Variants in NRG1 observed in about 807,000 individuals in gnomAD.
NRG1 encodes the protein pro-neuregulin-1, membrane-bound isoform.
A neutral mutation model predicts 63.8 loss-of-function variants in NRG1; 18 were observed. The observed-to-expected ratio is 0.28, with a 90% confidence interval of 0.19 to 0.42. The LOEUF is 0.42. Ranked by LOEUF, NRG1 falls within the 10% of genes least tolerant of loss-of-function variation. NRG1 has a pLI of 1.00. For synonymous variants in NRG1, 302 were observed against 301.3 expected (o/e 1.00, Z -0.02); for missense variants, 762 against 814.7 (o/e 0.94, Z 0.79).
At chr8:32,590,715 C>T (rs1032933971) in intron 1 of NRG1, among the ~76,000 whole-genome samples, 1 of 151,898 alleles carries the variant, frequency 6.6e-6, no homozygotes, top group Non-Finnish European at 1.5e-5. Context: ...CTGAGAAACA[C>T]GTGTACATTG....
chr8:32,059,759 A>G (rs1294163515), intron 1 of NRG1, among the ~76,000 whole-genome samples: 1 of 151,944 alleles, frequency 6.6e-6, no homozygotes, highest in African/African-American at 2.4e-5. Flanking sequence ...TACAATATAC[A>G]CTCAAGGAAA....
intron 1 of NRG1, among the ~76,000 whole-genome samples, chr8:32,474,495 C>T (rs1001995568): frequency 1.2e-3 from 157 of 132,424 alleles, no homozygotes; most frequent in African/African-American, 4.3e-3. Flanking sequence ...GTGATATTCC[C>T]TTTTTTTTTT....
chr8:32,018,064 G>A (rs1321426787), intron 1 of NRG1, among the ~76,000 whole-genome samples: 1 of 152,156 alleles, frequency 6.6e-6, no homozygotes, highest in East Asian at 1.9e-4. Context: ...TATCATTTTG[G>A]AAACCCTAAG....
At chr8:31,748,759 C>T (rs557431570) in intron 1 of NRG1, among the ~76,000 whole-genome samples, 1 of 151,858 alleles carries the variant, frequency 6.6e-6, no homozygotes, top group Admixed American at 6.6e-5. Context: ...TTTGGCACTC[C>T]TCCTTTCACT....
At chr8:32,358,421 A>T (rs1806762571) in intron 1 of NRG1, among the ~76,000 whole-genome samples, 1 of 150,324 alleles carries the variant, frequency 6.7e-6, no homozygotes, top group African/African-American at 2.4e-5. Flanking sequence ...CTCTGTTATG[A>T]TAGGGAGAGG....
At chr8:31,882,194 C>T (rs1334232633) in intron 1 of NRG1, among the ~76,000 whole-genome samples, 1 of 151,670 alleles carries the variant, frequency 6.6e-6, no homozygotes, top group Non-Finnish European at 1.5e-5. Flanking sequence ...ATCTTAGGGC[C>T]CTTAAGAATT....
chr8:32,717,347 G>A (rs1018784564), intron 5 of NRG1, among the ~76,000 whole-genome samples: 14 of 152,072 alleles, frequency 9.2e-5, no homozygotes, highest in African/African-American at 1.4e-4. Flanking sequence ...GTGAAATGAC[G>A]TAGAGTACTT....
chr8:32,441,718 T>A (rs1819569305), intron 1 of NRG1, among the ~76,000 whole-genome samples: 1 of 152,066 alleles, frequency 6.6e-6, no homozygotes, highest in South Asian at 2.1e-4. Flanking sequence ...TACTCTGGAG[T>A]CTCAACAGAG....
chr8:31,988,543 T>C (rs939658417), intron 1 of NRG1, among the ~76,000 whole-genome samples: 1 of 152,116 alleles, frequency 6.6e-6, no homozygotes, highest in African/African-American at 2.4e-5. Context: ...AATTCTTCTT[T>C]ACTCTGGTAC....
chr8:32,414,901 AC>A (rs1278092510), intron 1 of NRG1, among the ~76,000 whole-genome samples: 1 of 152,140 alleles, frequency 6.6e-6, no homozygotes, highest in Non-Finnish European at 1.5e-5. Flanking sequence ...GCTGGAGGAT[AC>A]CCAAGAAACT....
chr8:32,347,390 A>C (rs1249750824), intron 1 of NRG1, among the ~76,000 whole-genome samples: 1 of 152,186 alleles, frequency 6.6e-6, no homozygotes. Context: ...TAAGGACAAG[A>C]ACCCTGCAGG....
In NRG1 at chr8:31,646,962, A is replaced by G. The variant is rs968326648; in HGVS notation, c.37+7531A>G. The stretch of plus-strand genomic sequence containing the variant: ...TTTTCCCTCACTTATTTTTAGAACA[A>G]TATTTGTTCTGTGTAGCTTATAGCC... On this transcript the variant is annotated intron_variant, in intron 1 of 10. Transcript: ENST00000519301. 5.9e-5 allele frequency among the ~76,000 whole-genome samples: 9 copies of G among 152,294 alleles called. No homozygotes were observed. In the South Asian group the frequency reaches 1.2e-3, roughly 21 times the overall value.
chr8:31,860,524 T>A (rs1019523636), intron 1 of NRG1, among the ~76,000 whole-genome samples: 1 of 152,154 alleles, frequency 6.6e-6, no homozygotes, highest in East Asian at 1.9e-4. Context: ...TGCCCATTAT[T>A]TTTTTGCATG....
intron 1 of NRG1, among the ~76,000 whole-genome samples, chr8:32,354,685 T>C (rs541564702): frequency 6.6e-6 from 1 of 150,422 alleles, no homozygotes; most frequent in South Asian, 2.1e-4. Flanking sequence ...GGCCAGGAGT[T>C]TGAGACATAG....
intron 1 of NRG1, among the ~76,000 whole-genome samples, chr8:31,927,335 G>A (rs1834439934): frequency 6.6e-6 from 1 of 151,252 alleles, no homozygotes; most frequent in South Asian, 2.1e-4. Flanking sequence ...TAAATCCAGA[G>A]ATTCTGAATC....
intron 1 of NRG1, among the ~76,000 whole-genome samples, chr8:31,676,340 A>G (rs1320444597): frequency 6.6e-6 from 1 of 152,170 alleles, no homozygotes; most frequent in African/African-American, 2.4e-5. Flanking sequence ...CCATGCGATC[A>G]TAGCTTGACC....
intron 5 of NRG1, among the ~76,000 whole-genome samples, chr8:32,634,663 T>C (rs899654298): frequency 2.0e-5 from 3 of 152,242 alleles, no homozygotes; most frequent in Admixed American, 2.0e-4. Flanking sequence ...CTTTTTGTTT[T>C]CTTCTTTTGT....
intron 1 of NRG1, among the ~76,000 whole-genome samples, chr8:31,863,568 T>C (rs1468727982): frequency 6.6e-6 from 1 of 152,190 alleles, no homozygotes; most frequent in Non-Finnish European, 1.5e-5. Context: ...TATTCAAGAA[T>C]GGCAACTAAA....
intron 1 of NRG1, among the ~76,000 whole-genome samples, chr8:32,513,413 C>T (rs1205745058): frequency 1.4e-5 from 2 of 138,074 alleles, no homozygotes; most frequent in South Asian, 4.6e-4. Flanking sequence ...TTAGCTCTTC[C>T]GAAAAAAAAA....
Sources: gnomAD v4.1 joint callset for allele counts (sites outside exome capture counted in the v4.1 genomes callset) on GRCh38, gnomAD v4.1.1 for gene constraint, MANE v1.5 for transcripts, NCBI Gene and HGNC (gene_info 2026-07-23, HGNC 2026-07-21) for gene names.